The following ARHGAP10 variants were observed in gnomAD, a reference collection of about 807,000 sequenced individuals.
The protein encoded by ARHGAP10 is Rho GTPase activating protein 10.
Under a neutral mutation model 108.6 loss-of-function variants are expected in ARHGAP10, and 87 were observed. The ratio of observed to expected loss-of-function variants is 0.80; its 90% confidence interval spans 0.67 to 0.96. The LOEUF is 0.96. Among genes scored for constraint, ARHGAP10 ranks in the 40% least tolerant of loss-of-function variants. The probability of loss-of-function intolerance (pLI) is 0.00; values close to 1 mark genes in which losing one functional copy is unlikely to be tolerated. For missense variants in ARHGAP10, 939 were observed against 954.5 expected, an observed-to-expected ratio of 0.98 and a Z score of 0.21; for synonymous variants, 347 against 341.1, an observed-to-expected ratio of 1.02 and a Z score of -0.19.
chr4:147,923,065 T>G (rs1737314216), intron 13 of ARHGAP10, among the ~76,000 whole-genome samples: 1 of 152,230 alleles, frequency 6.6e-6, no homozygotes, highest in South Asian at 2.1e-4. Context: ...AATTCCATAT[T>G]GGTAATATTG....
intron 16 of ARHGAP10, among the ~76,000 whole-genome samples, chr4:147,960,280 C>T (rs1264384236): frequency 6.6e-6 from 1 of 151,704 alleles, no homozygotes; most frequent in African/African-American, 2.4e-5. Context: ...TATTTATGTG[C>T]CTTTTAATTT....
At chr4:147,753,931 A>G (rs1210970421) in intron 1 of ARHGAP10, among the ~76,000 whole-genome samples, 1 of 152,272 alleles carries the variant, frequency 6.6e-6, no homozygotes, top group East Asian at 1.9e-4. Context: ...ATGATGTGAC[A>G]TTATTTCATA....
chr4:147,807,631 G>A lies in ARHGAP10; in HGVS notation c.155-15096G>A, dbSNP rs1442530327. ...GCATAATCCAAAAAAAGGCCATAAA[G>A]AGGAAAATATTTGAAACCAAATTAT... is the stretch of plus-strand genomic sequence containing the variant. On this transcript the variant is annotated intron_variant, in intron 1 of 22. Transcript: ENST00000336498. 4.6e-5 allele frequency among the ~76,000 whole-genome samples: 7 copies of A among 152,114 alleles called. No individual in the cohort carries two copies. In the East Asian group the frequency reaches 1.4e-3, roughly 29 times the overall value.
chr4:148,019,891 A>AT (rs1173990801), intron 18 of ARHGAP10, among the ~76,000 whole-genome samples: 4 of 152,176 alleles, frequency 2.6e-5, no homozygotes, highest in Non-Finnish European at 5.9e-5. Flanking sequence ...GTTAATCGGG[A>AT]TGATAGCTTA....
intron 13 of ARHGAP10, among the ~76,000 whole-genome samples, chr4:147,918,443 G>C (rs976527727): frequency 6.6e-6 from 1 of 152,100 alleles, no homozygotes; most frequent in Non-Finnish European, 1.5e-5. Flanking sequence ...CCCTCATTAA[G>C]ATCTTTGAAT....
At chr4:147,866,481 T>A (rs185533226) in intron 6 of ARHGAP10, 17 of 435,228 alleles carry the variant, frequency 3.9e-5, no homozygotes, top group Non-Finnish European at 6.9e-5. Context: ...ACATGCCATA[T>A]AAGCTGTCTA....
intron 1 of ARHGAP10, among the ~76,000 whole-genome samples, chr4:147,783,916 T>C (rs1730684039): frequency 7.6e-6 from 1 of 131,246 alleles, no homozygotes; most frequent in South Asian, 2.6e-4. Context: ...TAACACACAT[T>C]AAATTGTGTA....
intron 1 of ARHGAP10, among the ~76,000 whole-genome samples, chr4:147,793,503 A>T (rs767942872): frequency 1.3e-5 from 2 of 152,268 alleles, no homozygotes; most frequent in African/African-American, 2.4e-5. Flanking sequence ...GGGCCTTGAA[A>T]GGAGGAGTTG....
chr4:148,009,239 C>T (rs1021997800), intron 18 of ARHGAP10, among the ~76,000 whole-genome samples: 2 of 151,650 alleles, frequency 1.3e-5, no homozygotes, highest in African/African-American at 4.8e-5. Context: ...TCAAGTGATT[C>T]TCCTGCCTCA....
At chr4:147,772,276 C>T (rs1000837620) in intron 1 of ARHGAP10, among the ~76,000 whole-genome samples, 4 of 152,220 alleles carry the variant, frequency 2.6e-5, no homozygotes, top group Non-Finnish European at 5.9e-5. Flanking sequence ...CTCCCTCTCC[C>T]TAGGTTCCGT....
At chr4:147,798,330 T>C (rs905036428) in intron 1 of ARHGAP10, among the ~76,000 whole-genome samples, 2 of 152,218 alleles carry the variant, frequency 1.3e-5, no homozygotes, top group African/African-American at 2.4e-5. Flanking sequence ...ATTTGTATTT[T>C]TGTTTTATAT....
chr4:147,870,026 G>C (rs1288544104), intron 7 of ARHGAP10, among the ~76,000 whole-genome samples: 8 of 151,768 alleles, frequency 5.3e-5, no homozygotes, highest in African/African-American at 9.7e-5. Flanking sequence ...GTGTGTGTGT[G>C]TGTGTGTGTG....
chr4:148,000,727 T>G (rs571881514), intron 18 of ARHGAP10, among the ~76,000 whole-genome samples: 126 of 152,356 alleles, frequency 8.3e-4, no homozygotes, highest in African/African-American at 2.7e-3. Context: ...AATGTCGTCT[T>G]TTGAGAAGTG....
chr4:148,003,164 C>T lies in ARHGAP10; in HGVS notation c.1717-20099C>T, dbSNP rs546483576. Among the ~76,000 whole-genome samples, 271 of 152,278 alleles carry T rather than the reference C, an allele frequency of 1.8e-3. 1 individual carries two copies. Among genetic ancestry groups the T allele is most frequent in the African/African-American group, 6.1e-3 (255 of 41,568 alleles). On this transcript the variant is annotated intron_variant, in intron 18 of 22. Coordinates refer to ENST00000336498, the MANE Select transcript of ARHGAP10 (RefSeq NM_024605.4). Reference sequence around the variant, plus strand: ...ACCATGTTTATTTCTGCCTTCATTTCGTTATGTACCCAGTAGTCATTCAGG... The same window carrying T: ...ACCATGTTTATTTCTGCCTTCATTTTGTTATGTACCCAGTAGTCATTCAGG...
chr4:147,952,153 T>G (rs2126979639), intron 15 of ARHGAP10, among the ~76,000 whole-genome samples: 1 of 152,302 alleles, frequency 6.6e-6, no homozygotes, highest in African/African-American at 2.4e-5. Context: ...AAAAAATCAG[T>G]TCATCTGTTG....
At chr4:147,948,393 C>T (rs2126974051) in intron 15 of ARHGAP10, among the ~76,000 whole-genome samples, 2 of 152,222 alleles carry the variant, frequency 1.3e-5, no homozygotes, top group Middle Eastern at 6.8e-3. Flanking sequence ...TACCAACTGT[C>T]TTCAAAAAGT....
chr4:147,915,828 G>A (rs536746801), intron 13 of ARHGAP10, among the ~76,000 whole-genome samples: 1 of 152,100 alleles, frequency 6.6e-6, no homozygotes, highest in Admixed American at 6.6e-5. Flanking sequence ...GGACAGCTGG[G>A]GGCACTGGCT....
intron 10 of ARHGAP10, among the ~76,000 whole-genome samples, chr4:147,903,331 T>A (rs1242155711): frequency 6.6e-6 from 1 of 152,218 alleles, no homozygotes; most frequent in Non-Finnish European, 1.5e-5. Flanking sequence ...AGTTTTCAGT[T>A]CACAGTCAGA....
intron 18 of ARHGAP10, among the ~76,000 whole-genome samples, chr4:147,974,409 A>G (rs1168362250): frequency 6.6e-6 from 1 of 152,142 alleles, no homozygotes; most frequent in African/African-American, 2.4e-5. Flanking sequence ...AAGATTCTGA[A>G]GAGCCTGTGA....
Sources: allele counts gnomAD v4.1 joint callset (sites outside exome capture counted in the v4.1 genomes callset), GRCh38; gene constraint gnomAD v4.1.1; transcripts MANE v1.5; gene names NCBI Gene and HGNC (gene_info 2026-07-23, HGNC 2026-07-21).